MREG: variants seen among roughly 807,000 people sequenced by gnomAD.
The protein encoded by MREG is melanoregulin.
Under a neutral mutation model 28.5 loss-of-function variants are expected in MREG, and 31 were observed. The observed-to-expected ratio is 1.09, with a 90% CI of 0.82 to 1.47. The LOEUF (loss-of-function observed/expected upper bound fraction) is 1.47, where lower values mean the gene tolerates loss of function less well. Among genes scored for constraint, MREG ranks in the 40% most tolerant of loss-of-function variants. MREG has a pLI of 0.00. For synonymous variants in MREG, 106 were observed against 95.2 expected (o/e 1.11, Z -0.66); for missense variants, 256 against 257.4 (o/e 0.99, Z 0.04).
intron 1 of MREG, among the ~76,000 whole-genome samples, chr2:215,998,964 C>T (rs1693943102): frequency 6.6e-6 from 1 of 152,004 alleles, no homozygotes; most frequent in African/African-American, 2.4e-5. Context: ...AGAAGTGATA[C>T]GTTATGTATG....
chr2:216,006,433 C>A (rs776115924), intron 1 of MREG, among the ~76,000 whole-genome samples: 10 of 152,250 alleles, frequency 6.6e-5, no homozygotes, highest in Non-Finnish European at 1.3e-4. Context: ...CAATGGGAAT[C>A]TTCCAGCCAG....
chr2:216,002,367 G>A (rs972466573), intron 1 of MREG, among the ~76,000 whole-genome samples: 1 of 152,174 alleles, frequency 6.6e-6, no homozygotes, highest in African/African-American at 2.4e-5. Context: ...AGTTCCTCAG[G>A]ATTCCTCACT....
chr2:216,012,094 A>C (rs774339428), intron 1 of MREG, among the ~76,000 whole-genome samples: 1 of 152,202 alleles, frequency 6.6e-6, no homozygotes, highest in Non-Finnish European at 1.5e-5. Context: ...GTAATTTCTA[A>C]GTACTACATC....
At chr2:216,019,752 G>A (rs750346418) in intron 1 of MREG, among the ~76,000 whole-genome samples, 5 of 152,052 alleles carry the variant, frequency 3.3e-5, no homozygotes, top group South Asian at 2.1e-4. Flanking sequence ...TGATCAGCCC[G>A]CCTAGGCCTC....
chr2:215,961,521 G>A (rs1297284608), intron 2 of MREG, among the ~76,000 whole-genome samples: 1 of 152,108 alleles, frequency 6.6e-6, no homozygotes, highest in Non-Finnish European at 1.5e-5. Flanking sequence ...CGTCTCCCGG[G>A]TTCAAGCGAT....
intron 2 of MREG, among the ~76,000 whole-genome samples, chr2:215,995,157 T>C (rs950535664): frequency 6.6e-6 from 1 of 152,142 alleles, no homozygotes; most frequent in African/African-American, 2.4e-5. Flanking sequence ...CCTTCAGCAT[T>C]GCCCATCACA....
At chr2:216,009,091 G>A (rs1694231935) in intron 1 of MREG, among the ~76,000 whole-genome samples, 1 of 152,124 alleles carries the variant, frequency 6.6e-6, no homozygotes, top group Non-Finnish European at 1.5e-5. Context: ...GGGAAATACA[G>A]AGTTAGGTTC....
chr2:215,994,512 T>C (rs116131162), intron 2 of MREG, among the ~76,000 whole-genome samples: 2,891 of 151,582 alleles, frequency 0.019, 63 homozygotes, highest in Non-Finnish European at 0.033. Context: ...TATACCTATG[T>C]AACCTGCACA....
chr2:216,015,250 G>C (rs1197649458), upstream of MREG, among the ~76,000 whole-genome samples: 2 of 152,088 alleles, frequency 1.3e-5, no homozygotes, highest in Non-Finnish European at 2.9e-5. Flanking sequence ...TAAATGAGGT[G>C]GTCAGGGAAG....
At chr2:215,962,026 C>T (rs1692805930) in intron 2 of MREG, among the ~76,000 whole-genome samples, 1 of 152,252 alleles carries the variant, frequency 6.6e-6, no homozygotes, top group Non-Finnish European at 1.5e-5. Flanking sequence ...AGTCCCACCA[C>T]TCTTTGCAAT....
intron 1 of MREG, among the ~76,000 whole-genome samples, chr2:216,024,784 G>A (rs1214962234): frequency 5.9e-5 from 9 of 151,670 alleles, no homozygotes; most frequent in African/African-American, 7.3e-5. Context: ...TTGGGAGGCC[G>A]AGGCAGAAGA....
intron 2 of MREG, among the ~76,000 whole-genome samples, chr2:215,994,299 A>G (rs1232648936): frequency 1.3e-5 from 2 of 151,868 alleles, no homozygotes; most frequent in African/African-American, 4.9e-5. Flanking sequence ...ATTCTCAGCA[A>G]ACTAACACAG....
intron 2 of MREG, among the ~76,000 whole-genome samples, chr2:215,989,611 A>G (rs1693670195): frequency 1.3e-5 from 2 of 152,134 alleles, no homozygotes; most frequent in Non-Finnish European, 2.9e-5. Flanking sequence ...CTAAAGGAGC[A>G]TGTTCTAACC....
intron 2 of MREG, among the ~76,000 whole-genome samples, chr2:215,977,458 T>C (rs1162070542): frequency 1.3e-5 from 2 of 152,188 alleles, no homozygotes; most frequent in African/African-American, 4.8e-5. Flanking sequence ...ACTGTCGATA[T>C]TAGACAGATC....
chr2:215,991,359 A>G (rs189288394), intron 2 of MREG, among the ~76,000 whole-genome samples: 1 of 152,320 alleles, frequency 6.6e-6, no homozygotes, highest in African/African-American at 2.4e-5. Flanking sequence ...CAAAGACACA[A>G]TGTACCAGAA....
Position 216,013,282 on chromosome 2 carries a change from A to AT in MREG, c.45_46insA (p.Cys16MetfsTer11). On this transcript the variant is annotated frameshift_variant, in exon 1 of 5. Transcript: ENST00000263268. LOFTEE classifies it high-confidence loss of function. The stretch of plus-strand genomic sequence containing the variant: ...AGGGCGCGCTCCTCCAAGCACTCGC[A>AT]CCCGCAGCAGCAGCACACGGTTCTC... The AT allele has an allele frequency of 6.5e-7, 1 of 1,549,014 alleles. No homozygotes were observed. Among genetic ancestry groups the AT allele is most frequent in the East Asian group, 2.4e-5 (1 of 40,830 alleles).
At chr2:215,967,535 C>T (rs1387533597) in intron 2 of MREG, among the ~76,000 whole-genome samples, 1 of 152,212 alleles carries the variant, frequency 6.6e-6, no homozygotes, top group Non-Finnish European at 1.5e-5. Flanking sequence ...AGAATCTCTT[C>T]TTCCAAAGTA....
At chr2:215,952,576 G>A (rs1022149964) in intron 2 of MREG, among the ~76,000 whole-genome samples, 2 of 151,810 alleles carry the variant, frequency 1.3e-5, no homozygotes, top group African/African-American at 4.8e-5. Flanking sequence ...TATAAAAAAG[G>A]GGACTTATAC....
intron 2 of MREG, among the ~76,000 whole-genome samples, chr2:215,973,321 T>G (rs536952992): frequency 6.6e-6 from 1 of 152,296 alleles, no homozygotes; most frequent in Non-Finnish European, 1.5e-5. Context: ...CACTCCCCAT[T>G]GAAAGCAACG....
Sources: gnomAD v4.1 joint callset for allele counts (sites outside exome capture counted in the v4.1 genomes callset) on GRCh38, gnomAD v4.1.1 for gene constraint, MANE v1.5 for transcripts, NCBI Gene and HGNC (gene_info 2026-07-23, HGNC 2026-07-21) for gene names.